The following FGF13 variants were observed in gnomAD, a reference collection of about 807,000 sequenced individuals.
FGF13 encodes the protein fibroblast growth factor 13.
Under a neutral mutation model 19.5 loss-of-function variants are expected in FGF13, and 2 were observed. The ratio of observed to expected loss-of-function variants is 0.10; its 90% confidence interval spans 0.04 to 0.32. The LOEUF (loss-of-function observed/expected upper bound fraction) is 0.32, where lower values mean the gene tolerates loss of function less well. Among genes scored for constraint, FGF13 ranks in the 10% least tolerant of loss-of-function variants. The pLI is 1.00. For missense variants in FGF13, 113 were observed against 192.7 expected, an observed-to-expected ratio of 0.59 and a Z score of 2.45; for synonymous variants, 72 against 76.9, an observed-to-expected ratio of 0.94 and a Z score of 0.33.
chrX:139,185,657 G>A (rs1276701731), intron 1 of FGF13, among the ~76,000 whole-genome samples: 1 of 111,614 alleles, frequency 9.0e-6, no homozygotes, highest in East Asian at 2.8e-4. Context: ...AAGCTCTTCA[G>A]GGGCTTCTGT....
At position 138,975,289 on chromosome X, in the gene FGF13, G is replaced by A. The variant is rs1035952211; in HGVS notation, c.-112-110639C>T. 5.1e-4 allele frequency among the ~76,000 whole-genome samples: 57 copies of A among 112,497 alleles called. 1 individual carries two copies. The highest frequency in any genetic ancestry group is 1.7e-3 in the African/African-American group (54 of 30,967). On this transcript the variant is annotated intron_variant, in intron 1 of 2. Transcript: ENST00000421460. ...TCTCCATTTTCCAGTTGATGGCACA[G>A]GCTCAGAAAGTGAGGTTGACTATCT...
intron 3 of FGF13, among the ~76,000 whole-genome samples, chrX:138,778,606 G>A (rs966946097): frequency 5.3e-5 from 6 of 112,349 alleles, no homozygotes; most frequent in Non-Finnish European, 9.4e-5. Context: ...GCGCTTTTCC[G>A]ACAGGCTTAA....
chrX:139,070,140 T>G (rs964883498), intron 1 of FGF13, among the ~76,000 whole-genome samples: 1 of 111,707 alleles, frequency 9.0e-6, no homozygotes, highest in Admixed American at 9.5e-5. Context: ...TGGGATCTAA[T>G]TAAACTAAAG....
chrX:138,765,466 C>T (rs765558541), intron 3 of FGF13, among the ~76,000 whole-genome samples: 3 of 112,220 alleles, frequency 2.7e-5, no homozygotes, highest in South Asian at 7.4e-4. Flanking sequence ...CTATAACAGG[C>T]ACTCTGTCCC....
chrX:138,835,184 G>C lies in FGF13; in HGVS notation c.217+22328C>G, dbSNP rs185087683. Among the ~76,000 whole-genome samples, 235 of 111,626 alleles carry C rather than the reference G, an allele frequency of 2.1e-3. 4 individuals carry two copies. Among genetic ancestry groups the C allele is most frequent in the Non-Finnish European group, 4.1e-4 (22 of 53,123 alleles). ...ATCTATTAGGTCCATTTGATCCAGT[G>C]ATGATTTCAGGTCCTGAATATCTGT... On this transcript the variant is annotated intron_variant, in intron 3 of 6. Coordinates refer to the FGF13 transcript ENST00000436198.
intron 3 of FGF13, among the ~76,000 whole-genome samples, chrX:138,846,717 AACTG>A (rs1243966764): frequency 8.9e-6 from 1 of 112,403 alleles, no homozygotes; most frequent in Non-Finnish European, 1.9e-5. Context: ...GCAGTGTGAG[AACTG>A]ACTAACACAT....
intron 3 of FGF13, among the ~76,000 whole-genome samples, chrX:138,669,704 A>T (rs953745738): frequency 9.0e-6 from 1 of 110,951 alleles, no homozygotes; most frequent in Non-Finnish European, 1.9e-5. Context: ...CTTGTTCTTA[A>T]TATCTCTGGA....
chrX:139,104,369 C>T (rs141801876), intron 1 of FGF13, among the ~76,000 whole-genome samples: 1 of 109,035 alleles, frequency 9.2e-6, no homozygotes, highest in African/African-American at 3.3e-5. Context: ...GGTTTCCAAG[C>T]AGAAGAGTGA....
At chrX:138,949,132 T>C (rs1364044767) in intron 1 of FGF13, among the ~76,000 whole-genome samples, 1 of 111,885 alleles carries the variant, frequency 8.9e-6, no homozygotes, top group Non-Finnish European at 1.9e-5. Context: ...AAATTACATC[T>C]AGTTGAAGAA....
intron 1 of FGF13, among the ~76,000 whole-genome samples, chrX:139,143,836 A>G (rs1271375340): frequency 9.0e-6 from 1 of 111,717 alleles, no homozygotes; most frequent in East Asian, 2.8e-4. Context: ...ACTTCCATGC[A>G]CAGTGGACCT....
At chrX:138,809,957 C>T (rs771175186) in intron 3 of FGF13, among the ~76,000 whole-genome samples, 6 of 111,372 alleles carry the variant, frequency 5.4e-5, no homozygotes, top group Admixed American at 9.6e-5. Context: ...CACAAACAAA[C>T]GGAAGAACAT....
At chrX:139,064,963 G>A (rs1380089464) in intron 1 of FGF13, among the ~76,000 whole-genome samples, 3 of 110,486 alleles carry the variant, frequency 2.7e-5, no homozygotes, top group Non-Finnish European at 5.7e-5. Flanking sequence ...TGATCAATTT[G>A]GCTATTGATA....
chrX:138,962,859 C>G (rs747330764), intron 1 of FGF13, among the ~76,000 whole-genome samples: 1 of 111,038 alleles, frequency 9.0e-6, no homozygotes, highest in Non-Finnish European at 1.9e-5. Context: ...GGTTGTGGGA[C>G]GGGGAGGGAT....
intron 1 of FGF13, among the ~76,000 whole-genome samples, chrX:138,726,145 A>C (rs2090183938): frequency 9.0e-6 from 1 of 111,200 alleles, no homozygotes; most frequent in Admixed American, 9.6e-5. Flanking sequence ...CTTCGAATTT[A>C]GTTAGTCCAC....
intron 3 of FGF13, among the ~76,000 whole-genome samples, chrX:138,764,661 G>A (rs1468263648): frequency 8.9e-6 from 1 of 112,360 alleles, no homozygotes; most frequent in Non-Finnish European, 1.9e-5. Context: ...TATAGTCTAT[G>A]GCTGTTTTCT....
intron 3 of FGF13, among the ~76,000 whole-genome samples, chrX:138,672,223 G>C (rs2089621255): frequency 9.0e-6 from 1 of 111,364 alleles, no homozygotes; most frequent in Non-Finnish European, 1.9e-5. Flanking sequence ...AATCTGAACA[G>C]AGGAGTTGTC....
intron 2 of FGF13, among the ~76,000 whole-genome samples, chrX:138,858,054 C>T (rs972490323): frequency 2.7e-5 from 3 of 112,001 alleles, no homozygotes; most frequent in African/African-American, 9.8e-5. Context: ...CTAATATCCA[C>T]CAATTATCAG....
chrX:138,764,530 A>G (rs1477091157), intron 3 of FGF13, among the ~76,000 whole-genome samples: 1 of 112,725 alleles, frequency 8.9e-6, no homozygotes. Context: ...AATGGTTTAA[A>G]GAAATAAAAA....
At chrX:139,028,582 C>CGTGTGTGTGTGTGTGTGTGTGT (rs1203709668) in intron 1 of FGF13, among the ~76,000 whole-genome samples, 5 of 61,603 alleles carry the variant, frequency 8.1e-5, no homozygotes, top group Admixed American at 4.2e-4. Flanking sequence ...GGAGAGAGAG[C>CGTGTGTGTGTGTGTGTGTGTGT]GTGTGTGTGT....
Sources: gnomAD v4.1 joint callset for allele counts (sites outside exome capture counted in the v4.1 genomes callset) on GRCh38, gnomAD v4.1.1 for gene constraint, MANE v1.5 for transcripts, NCBI Gene and HGNC (gene_info 2026-07-23, HGNC 2026-07-21) for gene names.